DTNA: variants seen among roughly 807,000 people sequenced by gnomAD.
The protein encoded by DTNA is dystrophin-related protein 3.
Under a neutral mutation model 100.7 loss-of-function variants are expected in DTNA, and 43 were observed. That is an observed-to-expected ratio of 0.43 (90% CI 0.33 to 0.55). The LOEUF (loss-of-function observed/expected upper bound fraction) is 0.55. Ranked by LOEUF, DTNA falls within the 20% of genes least tolerant of loss-of-function variation. The pLI is 0.04. For synonymous variants in DTNA, 349 were observed against 347.9 expected, an observed-to-expected ratio of 1.00 and a Z score of -0.04; for missense variants, 798 against 953.9, an observed-to-expected ratio of 0.84 and a Z score of 2.15.
chr18:34,740,804 GA>G (rs71379578), intron 1 of DTNA, among the ~76,000 whole-genome samples: 221 of 143,080 alleles, frequency 1.5e-3, no homozygotes, highest in African/African-American at 3.9e-3. Context: ...TCAAAAACAG[GA>G]AAAAAAAAAA....
intron 1 of DTNA, among the ~76,000 whole-genome samples, chr18:34,744,494 G>C (rs896036640): frequency 5.9e-5 from 9 of 152,108 alleles, no homozygotes; most frequent in Non-Finnish European, 8.8e-5. Context: ...TACCTTGTTG[G>C]TTTTAGTCAC....
chr18:34,859,259 G>T (rs540116826), intron 16 of DTNA, among the ~76,000 whole-genome samples: 12 of 152,288 alleles, frequency 7.9e-5, no homozygotes, highest in Admixed American at 2.6e-4. Flanking sequence ...TTGGCATTTT[G>T]AATAAAGAAT....
At chr18:34,534,093 T>C (rs1411715389) in intron 1 of DTNA, among the ~76,000 whole-genome samples, 2 of 152,086 alleles carry the variant, frequency 1.3e-5, no homozygotes, top group African/African-American at 4.8e-5. Flanking sequence ...ACACCTGTAA[T>C]CCCAGCACTT....
chr18:34,879,627 A>C lies in DTNA; in HGVS notation c.2070A>C (p.Pro690=). The change falls in exon 20 of 23, where the codon CCA becomes CCC. Residue 690 remains proline (P), a synonymous_variant. Transcript: ENST00000444659. ...AGTTTGAGGATCTTGTTCCCTCACC[A>C]ACCTCTGAAAAGGCTTTTCTAGCGC... ...RTQFEDLVPS[P]TSEKAFLAQI... 6.2e-7 allele frequency: 1 copy of C among 1,614,064 alleles called. No homozygotes were observed.
chr18:34,876,677 G>A (rs181185923), intron 18 of DTNA, among the ~76,000 whole-genome samples: 26 of 152,286 alleles, frequency 1.7e-4, no homozygotes, highest in African/African-American at 5.8e-4. Context: ...ATGTAGAGGG[G>A]TGATAAAATC....
At position 34,851,841 on chromosome 18, in the gene DTNA, A is replaced by G. The variant is rs749147243; in HGVS notation, c.1445A>G (p.Gln482Arg). The G allele has an allele frequency of 6.2e-7, 1 of 1,614,036 alleles. No individual in the cohort carries two copies. The highest frequency in any genetic ancestry group is 1.1e-5 in the South Asian group (1 of 91,080). Residue 482 changes from glutamine (Q) to arginine (R), a missense_variant, in exon 15 of 23, where the codon CAG becomes CGG. Gln to Arg is a conservative substitution (Grantham distance 43). This residue lies in a region of DTNA where 159 missense variants were observed against 201.2 expected (regional missense o/e 0.79). Transcript: ENST00000444659. ...CTACATATTTTACAGCAGCCACCTC[A>G]GCAGAGAAGTGCTCCTGACATCTCT... ...AAESSSSQPP[Q>R]QRSAPDISFT...
chr18:34,599,492 C>T (rs2051324558), intron 1 of DTNA, among the ~76,000 whole-genome samples: 1 of 152,164 alleles, frequency 6.6e-6, no homozygotes, highest in South Asian at 2.1e-4. Flanking sequence ...CTTCACCGGA[C>T]ACTGGTACTG....
rs563697833 is a variant in DTNA, at chr18:34,677,050, A to T, written c.-1-78926A>T. On this transcript the variant is annotated intron_variant, in intron 1 of 19. Coordinates refer to the DTNA transcript ENST00000283365. ...CAGCTCTGCATACTCTGGAGTTGCC[A>T]TGCAGGATAGAAGCCAAGAATGGTA... Among the ~76,000 whole-genome samples the T allele has an allele frequency of 5.3e-5, 8 of 152,310 alleles. No homozygotes were observed. The East Asian group carries it at 1.5e-3, about 29-fold the overall frequency.
At chr18:34,594,521 T>C (rs913140929) in intron 1 of DTNA, among the ~76,000 whole-genome samples, 2 of 152,182 alleles carry the variant, frequency 1.3e-5, no homozygotes, top group African/African-American at 4.8e-5. Flanking sequence ...AGATGAACAG[T>C]TGTTAAATGT....
intron 1 of DTNA, among the ~76,000 whole-genome samples, chr18:34,716,435 C>T (rs184104527): frequency 2.6e-5 from 4 of 152,082 alleles, no homozygotes; most frequent in South Asian, 2.1e-4. Flanking sequence ...TGGTGGCAGG[C>T]GCCTGTAATC....
In DTNA at chr18:34,865,814, C is replaced by T. The variant is rs184506143; in HGVS notation, c.1743+1752C>T. ...TATGGGATAGAAGTCTATTCACCAC[C>T]AGCCATGTTGGTATCAACCTAGCCT... On this transcript the variant is annotated intron_variant, in intron 17 of 22. Coordinates refer to ENST00000444659, the MANE Select transcript of DTNA (RefSeq NM_001386795.1). Among the ~76,000 whole-genome samples, 38 of 152,320 alleles carry T rather than the reference C, an allele frequency of 2.5e-4. No individual in the cohort carries two copies. In the East Asian group the frequency reaches 6.6e-3, roughly 26 times the overall value.
chr18:34,583,891 G>A (rs1430288972), intron 1 of DTNA, among the ~76,000 whole-genome samples: 2 of 152,148 alleles, frequency 1.3e-5, no homozygotes, highest in African/African-American at 4.8e-5. Context: ...AGATGGCGGG[G>A]TATTATTCTC....
At chr18:34,618,594 A>T (rs2147790173) in intron 1 of DTNA, among the ~76,000 whole-genome samples, 1 of 152,234 alleles carries the variant, frequency 6.6e-6, no homozygotes, top group East Asian at 1.9e-4. Context: ...GATTATGCCA[A>T]ACTGTTCACT....
chr18:34,640,876 T>C (rs576624817), intron 1 of DTNA, among the ~76,000 whole-genome samples: 4 of 152,340 alleles, frequency 2.6e-5, no homozygotes, highest in Admixed American at 6.5e-5. Context: ...TCTAGCTGCT[T>C]TTCATTGCAT....
At chr18:34,631,364 T>G (rs532928460) in intron 1 of DTNA, among the ~76,000 whole-genome samples, 12 of 152,198 alleles carry the variant, frequency 7.9e-5, no homozygotes, top group Non-Finnish European at 1.8e-4. Context: ...TTAACAGTTA[T>G]TTTTATTATT....
chr18:34,522,577 G>A (rs893433493), intron 1 of DTNA, among the ~76,000 whole-genome samples: 3 of 152,116 alleles, frequency 2.0e-5, no homozygotes, highest in Non-Finnish European at 4.4e-5. Flanking sequence ...AGGAAGTTTT[G>A]CATGTGTTCT....
In DTNA at chr18:34,731,982, C is replaced by G. The variant is rs540452098; in HGVS notation, c.-2+21537C>G. The stretch of plus-strand genomic sequence containing the variant: ...GGAAAGATTAGCAGAGACTCCATTT[C>G]TTTATTCACTCATTCTTTCTGTGCA... On this transcript the variant is annotated intron_variant, in intron 1 of 22. Coordinates refer to ENST00000444659, the MANE Select transcript of DTNA (RefSeq NM_001386795.1). Among the ~76,000 whole-genome samples the G allele has an allele frequency of 2.0e-5, 3 of 152,274 alleles. No homozygotes were observed. The South Asian group carries it at 6.2e-4, about 32-fold the overall frequency.
chr18:34,624,606 A>G (rs1424369378), intron 1 of DTNA, among the ~76,000 whole-genome samples: 4 of 152,238 alleles, frequency 2.6e-5, no homozygotes, highest in Admixed American at 6.5e-5. Context: ...GCTACTGAGA[A>G]GGCTGATATG....
At chr18:34,650,842 A>C (rs2143861022) in intron 1 of DTNA, among the ~76,000 whole-genome samples, 1 of 152,292 alleles carries the variant, frequency 6.6e-6, no homozygotes, top group South Asian at 2.1e-4. Flanking sequence ...CAGATTAAGA[A>C]TTTACCTCTA....
Sources: allele counts gnomAD v4.1 joint callset (sites outside exome capture counted in the v4.1 genomes callset), GRCh38; gene constraint gnomAD v4.1.1; regional missense constraint gnomAD v4.1.1; transcripts MANE v1.5; gene names NCBI Gene and HGNC (gene_info 2026-07-23, HGNC 2026-07-21).